The following SNX13 variants were observed in gnomAD, a reference collection of about 807,000 sequenced individuals.
SNX13 encodes the protein sorting nexin-13.
SNX13 carries 45 observed loss-of-function variants against 133.6 expected under a neutral mutation model. The ratio of observed to expected loss-of-function variants is 0.34; its 90% confidence interval spans 0.27 to 0.43. The LOEUF is 0.43. SNX13 is among the 20% of genes least tolerant of loss of function. The pLI, the probability that SNX13 is intolerant of heterozygous loss-of-function variation, is 1.00. For synonymous variants in SNX13, 414 were observed against 373.9 expected (o/e 1.11, Z -1.24); for missense variants, 1,032 against 1,145.1 (o/e 0.90, Z 1.43).
chr7:17,901,238 G>A (rs1028064665), intron 1 of SNX13, among the ~76,000 whole-genome samples: 1 of 152,112 alleles, frequency 6.6e-6, no homozygotes, highest in African/African-American at 2.4e-5. Context: ...TTCTCAAGCA[G>A]AGAGAAGGAG....
chr7:17,920,336 C>T (rs1030927974), intron 1 of SNX13, among the ~76,000 whole-genome samples: 11 of 152,086 alleles, frequency 7.2e-5, no homozygotes, highest in African/African-American at 2.7e-4. Context: ...TTACTACTTA[C>T]CTTATTCTGA....
intron 17 of SNX13, among the ~76,000 whole-genome samples, chr7:17,823,141 C>T (rs1347379079): frequency 6.6e-6 from 1 of 152,182 alleles, no homozygotes; most frequent in Non-Finnish European, 1.5e-5. Context: ...CTTTATGCTA[C>T]TATGAGCCCC....
At chr7:17,852,878 G>A (rs1213684877) in intron 9 of SNX13, among the ~76,000 whole-genome samples, 2 of 152,224 alleles carry the variant, frequency 1.3e-5, no homozygotes, top group African/African-American at 4.8e-5. Flanking sequence ...AGTAACAGAA[G>A]AAAATATAAA....
At position 17,801,506 on chromosome 7, in the gene SNX13, C is replaced by T. The variant is rs537197198; in HGVS notation, c.2298+82G>A. The T allele has an allele frequency of 1.6e-5, 16 of 1,003,718 alleles. No individual in the cohort carries two copies. The African/African-American group carries it at 2.4e-4, about 15-fold the overall frequency. The allele number at this position is 1,003,718 out of a possible 1,614,324, so 62.2% of individuals were successfully genotyped here. Reference sequence around the variant, plus strand: ...TTATAATATGTGCACATTAATGATACATAGAACACTTCATTAAAAAGTTAA... The same window carrying T: ...TTATAATATGTGCACATTAATGATATATAGAACACTTCATTAAAAAGTTAA... On this transcript the variant is annotated intron_variant, in intron 22 of 25. Coordinates refer to ENST00000428135, the MANE Select transcript of SNX13 (RefSeq NM_015132.5).
intron 1 of SNX13, among the ~76,000 whole-genome samples, chr7:17,913,995 AAAG>A (rs1312208645): frequency 6.6e-6 from 1 of 152,044 alleles, no homozygotes; most frequent in Non-Finnish European, 1.5e-5. Context: ...AATCCAACAC[AAAG>A]AAGCCAGAAA....
At chr7:17,864,041 T>C (rs1308145172) in intron 9 of SNX13, among the ~76,000 whole-genome samples, 1 of 152,188 alleles carries the variant, frequency 6.6e-6, no homozygotes, top group Non-Finnish European at 1.5e-5. Context: ...TTTGACTTCA[T>C]GAAAAGCCTT....
intron 20 of SNX13, among the ~76,000 whole-genome samples, chr7:17,812,075 G>GTTTT (rs1786107316): frequency 6.6e-6 from 1 of 152,084 alleles, no homozygotes; most frequent in South Asian, 2.1e-4. Flanking sequence ...TACAATCCAG[G>GTTTT]ACATAGGGAT....
At chr7:17,836,454 G>A (rs1366035106) in intron 13 of SNX13, among the ~76,000 whole-genome samples, 2 of 151,988 alleles carry the variant, frequency 1.3e-5, no homozygotes, top group Non-Finnish European at 2.9e-5. Flanking sequence ...GATGCAAAGG[G>A]TGCAGTGAGA....
At chr7:17,851,404 T>G (rs778067305) in intron 9 of SNX13, among the ~76,000 whole-genome samples, 2 of 152,126 alleles carry the variant, frequency 1.3e-5, no homozygotes, top group Non-Finnish European at 2.9e-5. Context: ...AACCACTGTG[T>G]TGTTGTATAA....
At chr7:17,916,223 T>TA (rs1011751451) in intron 1 of SNX13, among the ~76,000 whole-genome samples, 1 of 151,854 alleles carries the variant, frequency 6.6e-6, no homozygotes, top group Non-Finnish European at 1.5e-5. Flanking sequence ...ACCTCGCACC[T>TA]AAAAAAACTA....
intron 1 of SNX13, among the ~76,000 whole-genome samples, chr7:17,916,145 C>T (rs1261446752): frequency 6.6e-6 from 1 of 152,114 alleles, no homozygotes; most frequent in African/African-American, 2.4e-5. Flanking sequence ...GCGACAAACA[C>T]AGTGTTAAGA....
Position 17,792,516 on chromosome 7 carries a change from C to T in SNX13, c.*1529G>A, listed in dbSNP as rs957361949. The stretch of plus-strand genomic sequence containing the variant: ...ATAACCCTCACTTTGTAAGTAGGAT[C>T]TAAGTGAAAACAAGACAGTGATATC... On this transcript the variant is annotated 3_prime_UTR_variant, in exon 26 of 26. Transcript: ENST00000428135. The T allele has an allele frequency of 1.3e-5, 2 of 152,384 alleles. No individual in the cohort carries two copies. Among genetic ancestry groups the T allele is most frequent in the African/African-American group, 4.8e-5 (2 of 41,408 alleles). The allele number at this position is 152,384 out of a possible 1,614,324, so 9.4% of individuals were successfully genotyped here.
intron 18 of SNX13, among the ~76,000 whole-genome samples, chr7:17,819,266 G>A (rs1377401761): frequency 6.6e-6 from 1 of 151,788 alleles, no homozygotes; most frequent in East Asian, 1.9e-4. Flanking sequence ...TTCATTTATG[G>A]AACAGGGTCT....
chr7:17,872,165 A>T (rs920283295), intron 8 of SNX13, among the ~76,000 whole-genome samples: 6 of 152,240 alleles, frequency 3.9e-5, no homozygotes, highest in African/African-American at 1.4e-4. Context: ...AGCCACAGTA[A>T]CGGATGAGCA....
chr7:17,905,555 A>C (rs1266223141), intron 1 of SNX13, among the ~76,000 whole-genome samples: 1 of 152,202 alleles, frequency 6.6e-6, no homozygotes, highest in Non-Finnish European at 1.5e-5. Context: ...AATCTCCTTT[A>C]TTTACAATTA....
intron 25 of SNX13, 26 bp from the exon 26 acceptor site, chr7:17,794,318 A>G: frequency 1.3e-6 from 2 of 1,590,754 alleles, no homozygotes; most frequent in African/African-American, 2.7e-5. Context: ...GAAAACACAC[A>G]TAATTATTCA....
chr7:17,861,160 T>G (rs1346970145), intron 9 of SNX13, among the ~76,000 whole-genome samples: 1 of 152,050 alleles, frequency 6.6e-6, no homozygotes, highest in Non-Finnish European at 1.5e-5. Flanking sequence ...GGACCACAAG[T>G]ATGCACCACC....
At chr7:17,841,315 C>A (rs1301101159) in intron 12 of SNX13, among the ~76,000 whole-genome samples, 2 of 152,004 alleles carry the variant, frequency 1.3e-5, no homozygotes, top group Admixed American at 6.6e-5. Flanking sequence ...TGAGGACATT[C>A]AAAAGCAACC....
intron 11 of SNX13, among the ~76,000 whole-genome samples, chr7:17,847,838 TCA>T (rs977699492): frequency 3.3e-5 from 5 of 152,302 alleles, no homozygotes; most frequent in African/African-American, 1.2e-4. Context: ...TGGTCAATTC[TCA>T]GTCTTCATCT....
Sources: gnomAD v4.1 joint callset for allele counts (sites outside exome capture counted in the v4.1 genomes callset) on GRCh38, gnomAD v4.1.1 for gene constraint, MANE v1.5 for transcripts, NCBI Gene and HGNC (gene_info 2026-07-23, HGNC 2026-07-21) for gene names.